MAGEE2: variants seen among roughly 807,000 people sequenced by gnomAD.
MAGEE2 encodes melanoma-associated antigen E2.
For synonymous variants in MAGEE2, 189 were observed against 155.4 expected (o/e 1.22, Z -1.61); for missense variants, 508 against 391.1 (o/e 1.30, Z -2.52).
Position 75,784,030 on chromosome X carries a change from G to T in MAGEE2, c.1022C>A (p.Thr341Asn), listed in dbSNP as rs778674370. ...PIHQDELLAH[T>N]GKEFEDVFPN... Reference sequence around the variant, plus strand: ...GAACACATCCTCAAATTCTTTGCCAGTGTGAGCCAATAGCTCATCCTGATG... The same window carrying T: ...GAACACATCCTCAAATTCTTTGCCATTGTGAGCCAATAGCTCATCCTGATG... The change falls in exon 1 of 1, where the codon ACT (threonine) becomes AAT (asparagine). Residue 341 changes from threonine to asparagine, a missense_variant. Physicochemically the swap from Thr to Asn is moderately conservative, Grantham distance 65 (BLOSUM62 0). Coordinates refer to ENST00000373359, the MANE Select transcript of MAGEE2 (RefSeq NM_138703.5). 1.7e-6 allele frequency: 2 copies of T among 1,207,499 alleles called. No individual in the cohort carries two copies. Among genetic ancestry groups the T allele is most frequent in the South Asian group, 3.5e-5 (2 of 56,789 alleles).
Position 75,784,802 on chromosome X carries a change from C to A in MAGEE2, c.250G>T (p.Val84Phe). 1 of 1,211,473 alleles carries A rather than the reference C, an allele frequency of 8.3e-7. No individual in the cohort carries two copies. The highest frequency in any genetic ancestry group is 1.7e-5 in the African/African-American group (1 of 57,704). ...EQSRRLGALRVHDPLEDRSIA... is the reference protein window; with the variant it reads ...EQSRRLGALRFHDPLEDRSIA... ...GACCTGTCTTCTAGAGGGTCATGGACCCTGAGCGCCCCCAAACGTCTGGAC... is the reference window on the plus strand; with the variant it reads ...GACCTGTCTTCTAGAGGGTCATGGAACCTGAGCGCCCCCAAACGTCTGGAC... Residue 84 changes from valine (V) to phenylalanine (F), a missense_variant, in exon 1 of 1, where the codon GTC (valine) becomes TTC (phenylalanine). Physicochemically the swap from Val to Phe is conservative, Grantham distance 50. Transcript: ENST00000373359.
rs1458162560 is a variant in MAGEE2, at chrX:75,783,771, A to G, written c.1281T>C (p.Leu427=). Residue 427 remains leucine, a synonymous_variant, in exon 1 of 1, where the codon CTT becomes CTC. Transcript: ENST00000373359. ...TCCCTACATCCACACTAAATCTTCGAAGCAAGTTCCAGACATTGGCCTCTT... is the reference window on the plus strand; with the variant it reads ...TCCCTACATCCACACTAAATCTTCGGAGCAAGTTCCAGACATTGGCCTCTT... ...RVKEANVWNL[L]RRFSVDVGRK... 1 of 1,210,139 alleles carries G rather than the reference A, an allele frequency of 8.3e-7. No homozygotes were observed. Among genetic ancestry groups the G allele is most frequent in the Non-Finnish European group, 1.1e-6 (1 of 895,272 alleles).
At position 75,784,073 on chromosome X, in the gene MAGEE2, C is replaced by T. The variant is rs2087868170; in HGVS notation, c.979G>A (p.Glu327Lys). The T allele has an allele frequency of 2.5e-6, 3 of 1,210,525 alleles. No homozygotes were observed. In the South Asian group the frequency reaches 5.3e-5, roughly 21 times the overall value. The change falls in exon 1 of 1, where the codon GAG becomes AAG. Residue 327 changes from glutamate to lysine, a missense_variant. By Grantham distance (56) the Glu-to-Lys change is moderately conservative. Coordinates refer to ENST00000373359, the MANE Select transcript of MAGEE2 (RefSeq NM_138703.5). Reference protein sequence around the residue: ...DLVQLAISVTEEMLPIHQDEL... With the variant: ...DLVQLAISVTKEMLPIHQDEL... ...TCCTGATGTATAGGCAGCATCTCCT[C>T]AGTGACACTAATAGCCAACTGGACC...
rs780499777 is a variant in MAGEE2 at position 75,784,219 on chromosome X, G to T, written c.833C>A (p.Pro278His). The T allele has an allele frequency of 4.6e-5, 56 of 1,209,674 alleles. No individual in the cohort carries two copies. In the Admixed American group the frequency reaches 4.8e-4, roughly 10 times the overall value. Residue 278 changes from proline to histidine, a missense_variant, in exon 1 of 1, where the codon CCC (proline) becomes CAC (histidine). Transcript: ENST00000373359. ...ATTATATTCTTCTGGCCAGCTCCAG[G>T]GTTCTTCATCATGGGCATCTGACAC... ...KFVSDAHDEE[P>H]WSWPEEYNKA...
At position 75,783,414 on chromosome X, in the gene MAGEE2, T is replaced by A; in HGVS notation, c.*66A>T. 9.0e-7 allele frequency: 1 copy of A among 1,114,535 alleles called. No homozygotes were observed. The highest frequency in any genetic ancestry group is 2.8e-5 in the Admixed American group (1 of 35,619). The allele number at this position is 1,114,535 out of a possible 1,213,427, so 91.9% of individuals were successfully genotyped here. ...CCTGGATTCTAATTTAGAGCCCCAATGCCTATTTTACCAAGGCATCTTTAA... is the reference window on the plus strand; with the variant it reads ...CCTGGATTCTAATTTAGAGCCCCAAAGCCTATTTTACCAAGGCATCTTTAA... On this transcript the variant is annotated 3_prime_UTR_variant, in exon 1 of 1. Coordinates refer to ENST00000373359, the MANE Select transcript of MAGEE2 (RefSeq NM_138703.5).
Position 75,785,129 on chromosome X carries a change from G to A in MAGEE2, c.-78C>T. 2 of 1,015,545 alleles carry A rather than the reference G, an allele frequency of 2.0e-6. No individual in the cohort carries two copies. Among genetic ancestry groups the A allele is most frequent in the Non-Finnish European group, 2.6e-6 (2 of 777,003 alleles). The allele number at this position is 1,015,545 out of a possible 1,213,427, so 83.7% of individuals were successfully genotyped here. A position where few individuals can be genotyped will look rare whatever the true frequency, so the allele number is the denominator to read the frequency against. ...GGACCGCAGCAGTGTTGGTGCCTCG[G>A]CACAAAGCTGAAGCCCGAGACCCTG... On this transcript the variant is annotated 5_prime_UTR_variant, in exon 1 of 1. Coordinates refer to ENST00000373359, the MANE Select transcript of MAGEE2 (RefSeq NM_138703.5).
chrX:75,783,996 G>C lies in MAGEE2; in HGVS notation c.1056C>G (p.Ile352Met). The change falls in exon 1 of 1, where the codon ATC becomes ATG. Residue 352 changes from isoleucine to methionine, a missense_variant. Transcript: ENST00000373359. Reference protein sequence around the residue: ...GKEFEDVFPNILNRATLILDM... With the variant: ...GKEFEDVFPNMLNRATLILDM... ...CAAGAATTAGAGTAGCTCTATTGAG[G>C]ATATTTGGGAACACATCCTCAAATT... 1.7e-6 allele frequency: 2 copies of C among 1,209,685 alleles called. No homozygotes were observed. The highest frequency in any genetic ancestry group is 2.2e-6 in the Non-Finnish European group (2 of 895,449).
In MAGEE2 at chrX:75,784,902, T is replaced by G; in HGVS notation, c.150A>C (p.Pro50=). 8.4e-7 allele frequency: 1 copy of G among 1,186,811 alleles called. No homozygotes were observed. The highest frequency in any genetic ancestry group is 1.1e-6 in the Non-Finnish European group (1 of 881,505). ...AAGTGTTGACACACTGAGAGTTGATTGGCGCCTGAGGGCACTGGGGGGCAT... is the reference window on the plus strand; with the variant it reads ...AAGTGTTGACACACTGAGAGTTGATGGGCGCCTGAGGGCACTGGGGGGCAT... The part of the protein sequence containing the change: ...VVDAPQCPQA[P]INSQCVNTSQ... The change falls in exon 1 of 1, where the codon CCA becomes CCC. Residue 50 remains proline (P), a synonymous_variant. Transcript: ENST00000373359.
Position 75,783,826 on chromosome X carries a change from C to A in MAGEE2, c.1226G>T (p.Gly409Val), listed in dbSNP as rs191968460. 8.3e-7 allele frequency: 1 copy of A among 1,210,047 alleles called. No homozygotes were observed. The highest frequency in any genetic ancestry group is 3.0e-5 in the East Asian group (1 of 33,743). ...PTQEYVMPIL[G>V]LIFLMGNRVK... ...ACGGTTGCCCATCAGGAAGATCAAA[C>A]CTAGGATTGGCATTACATATTCTTG... The change falls in exon 1 of 1, where the codon GGT becomes GTT. Residue 409 changes from glycine (G) to valine (V), a missense_variant. Physicochemically the swap from Gly to Val is moderately radical, Grantham distance 109. Coordinates refer to ENST00000373359, the MANE Select transcript of MAGEE2 (RefSeq NM_138703.5).
chrX:75,784,267 G>A lies in MAGEE2; in HGVS notation c.785C>T (p.Thr262Ile), dbSNP rs200633627. ...CACAAACTTCAGGGCTTCCATCTTT[G>A]TGATTTCCCTGTGGGCTCTAGAGCC... ...LWGSRAHREI[T>I]KMEALKFVSD... The change falls in exon 1 of 1, where the codon ACA (threonine) becomes ATA (isoleucine). Residue 262 changes from threonine (T) to isoleucine (I), a missense_variant. Thr to Ile is a moderately conservative substitution (Grantham distance 89). Coordinates refer to ENST00000373359, the MANE Select transcript of MAGEE2 (RefSeq NM_138703.5). The A allele has an allele frequency of 1.5e-5, 18 of 1,209,780 alleles. No homozygotes were observed. Among genetic ancestry groups the A allele is most frequent in the Admixed American group, 6.6e-5 (3 of 45,780 alleles).
In MAGEE2 at chrX:75,784,972, T is replaced by A; in HGVS notation, c.80A>T (p.Gln27Leu). The change falls in exon 1 of 1, where the codon CAA becomes CTA. Residue 27 changes from glutamine (Q) to leucine (L), a missense_variant. By Grantham distance (113) the Gln-to-Leu change is moderately radical. Transcript: ENST00000373359. ...GGGGGACCCGGAGGCGTTAGTAGCT[T>A]GTATTTCACCTCTGCCGTCGCCGTA... ...ADYGDGRGEI[Q>L]ATNASGSPTS... 1 of 1,147,942 alleles carries A rather than the reference T, an allele frequency of 8.7e-7. No homozygotes were observed. The highest frequency in any genetic ancestry group is 3.0e-5 in the East Asian group (1 of 33,301). The allele number at this position is 1,147,942 out of a possible 1,213,427, so 94.6% of individuals were successfully genotyped here. A position where few individuals can be genotyped will look rare whatever the true frequency, so the allele number is the denominator to read the frequency against.
Position 75,784,809 on chromosome X carries a change from C to A in MAGEE2, c.243G>T (p.Ala81=), listed in dbSNP as rs1234244859. The change falls in exon 1 of 1, where the codon GCG becomes GCT. Residue 81 remains alanine (A), a synonymous_variant. Transcript: ENST00000373359. ...CTTCTAGAGGGTCATGGACCCTGAGCGCCCCCAAACGTCTGGACTGCTCGT... is the reference window on the plus strand; with the variant it reads ...CTTCTAGAGGGTCATGGACCCTGAGAGCCCCCAAACGTCTGGACTGCTCGT... The part of the protein sequence containing the change: ...LIDEQSRRLG[A]LRVHDPLEDR... 8.3e-7 allele frequency: 1 copy of A among 1,209,637 alleles called. No homozygotes were observed. The highest frequency in any genetic ancestry group is 1.1e-6 in the Non-Finnish European group (1 of 895,186).
In MAGEE2 at chrX:75,784,814, C is replaced by G. The variant is rs200420972; in HGVS notation, c.238G>C (p.Gly80Arg). ...VLIDEQSRRL[G>R]ALRVHDPLED... is the part of the protein sequence containing the mutation. ...AGAGGGTCATGGACCCTGAGCGCCC[C>G]CAAACGTCTGGACTGCTCGTCGATC... The change falls in exon 1 of 1, where the codon GGG becomes CGG. Residue 80 changes from glycine (G) to arginine (R), a missense_variant. Gly to Arg is a moderately radical substitution (Grantham distance 125). Coordinates refer to ENST00000373359, the MANE Select transcript of MAGEE2 (RefSeq NM_138703.5). 1.7e-6 allele frequency: 2 copies of G among 1,209,841 alleles called. No individual in the cohort carries two copies. The highest frequency in any genetic ancestry group is 3.5e-5 in the African/African-American group (2 of 57,178).
In MAGEE2 at chrX:75,785,116, T is replaced by A; in HGVS notation, c.-65A>T. On this transcript the variant is annotated 5_prime_UTR_variant, in exon 1 of 1. Coordinates refer to ENST00000373359, the MANE Select transcript of MAGEE2 (RefSeq NM_138703.5). ...TCAGTCGGAGAGAGGACCGCAGCAG[T>A]GTTGGTGCCTCGGCACAAAGCTGAA... The A allele has an allele frequency of 9.5e-6, 10 of 1,049,935 alleles. No individual in the cohort carries two copies. The South Asian group carries it at 2.8e-4, about 29-fold the overall frequency. 86.5% of individuals were successfully genotyped at this position (1,049,935 alleles called of 1,213,427 possible).
Position 75,784,686 on chromosome X carries a change from T to G in MAGEE2, c.366A>C (p.Ser122=). 8.3e-7 allele frequency: 1 copy of G among 1,211,707 alleles called. No individual in the cohort carries two copies. The highest frequency in any genetic ancestry group is 1.1e-6 in the Non-Finnish European group (1 of 895,460). The change falls in exon 1 of 1, where the codon TCA becomes TCC. Residue 122 remains serine, a synonymous_variant. Transcript: ENST00000373359. ...GTCTGAGGATCTCAGGGAACTGATC[T>G]GAGTACTCTCTGAGAAACTCCAGCA... The part of the protein sequence containing the change: ...SEMLEFLREY[S]DQFPEILRRA...
Position 75,783,737 on chromosome X carries a change from A to G in MAGEE2, c.1315T>C (p.Ser439Pro). Residue 439 changes from serine (S) to proline (P), a missense_variant, in exon 1 of 1, where the codon TCC becomes CCC. Ser to Pro is a moderately conservative substitution (Grantham distance 74). Coordinates refer to ENST00000373359, the MANE Select transcript of MAGEE2 (RefSeq NM_138703.5). ...RFSVDVGRKH[S>P]ITRKLMRQRY... is the part of the protein sequence containing the mutation. ...TGTCTCATAAGCTTACGGGTGATGG[A>G]ATGCTTTCTCCCTACATCCACACTA... 4 of 1,211,738 alleles carry G rather than the reference A, an allele frequency of 3.3e-6. No homozygotes were observed. Among genetic ancestry groups the G allele is most frequent in the Non-Finnish European group, 4.5e-6 (4 of 895,513 alleles).
Position 75,784,418 on chromosome X carries a change from G to A in MAGEE2, c.634C>T (p.Pro212Ser), listed in dbSNP as rs774229610. Reference protein sequence around the residue: ...LLLKVDMWDKPQRINNLFGNT... With the variant: ...LLLKVDMWDKSQRINNLFGNT... ...CCAAAGAGGTTGTTGATCCTCTGAGGCTTATCCCACATATCAACTTTTAGC... is the reference window on the plus strand; with the variant it reads ...CCAAAGAGGTTGTTGATCCTCTGAGACTTATCCCACATATCAACTTTTAGC... The change falls in exon 1 of 1, where the codon CCT becomes TCT. Residue 212 changes from proline (P) to serine (S), a missense_variant. Transcript: ENST00000373359. The A allele has an allele frequency of 2.5e-6, 3 of 1,211,854 alleles. No homozygotes were observed. In the Admixed American group the frequency reaches 6.5e-5, roughly 26 times the overall value.
chrX:75,784,305 A>T lies in MAGEE2; in HGVS notation c.747T>A (p.Phe249Leu), dbSNP rs768476320. 1.7e-5 allele frequency: 21 copies of T among 1,211,821 alleles called. No homozygotes were observed. Among genetic ancestry groups the T allele is most frequent in the Non-Finnish European group, 2.3e-5 (21 of 895,543 alleles). Residue 249 changes from phenylalanine (F) to leucine (L), a missense_variant, in exon 1 of 1, where the codon TTT (phenylalanine) becomes TTA (leucine). Transcript: ENST00000373359. ...GGGCTCTAGAGCCCCACAAGAACTC[A>T]AACTCAAGGGGATTAGTGCCATACA... The part of the protein sequence containing the change: ...WPVYGTNPLE[F>L]EFLWGSRAHR...
chrX:75,783,804 G>A lies in MAGEE2; in HGVS notation c.1248C>T (p.Asn416=). 8.3e-7 allele frequency: 1 copy of A among 1,211,633 alleles called. No homozygotes were observed. Among genetic ancestry groups the A allele is most frequent in the Non-Finnish European group, 1.1e-6 (1 of 895,492 alleles). ...PILGLIFLMG[N]RVKEANVWNL... ...TCCAGACATTGGCCTCTTTGACACG[G>A]TTGCCCATCAGGAAGATCAAACCTA... Residue 416 remains asparagine (N), a synonymous_variant, in exon 1 of 1, where the codon AAC becomes AAT. Coordinates refer to ENST00000373359, the MANE Select transcript of MAGEE2 (RefSeq NM_138703.5).
Sources: allele counts gnomAD v4.1 joint callset, GRCh38; gene constraint gnomAD v4.1.1; transcripts MANE v1.5; gene names NCBI Gene and HGNC (gene_info 2026-07-23, HGNC 2026-07-21).